USP32: variants seen among roughly 807,000 people sequenced by gnomAD.
USP32 encodes ubiquitin carboxyl-terminal hydrolase 32.
In USP32, 59 loss-of-function variants were observed where a neutral mutation model predicts 204.8. The ratio of observed to expected loss-of-function variants is 0.29; its 90% CI spans 0.23 to 0.36. The LOEUF is 0.36. Ranked by LOEUF, USP32 falls within the 10% of genes least tolerant of loss-of-function variation. USP32 has a pLI of 1.00. For synonymous variants in USP32, 517 were observed against 678.4 expected, an observed-to-expected ratio of 0.76 and a Z score of 3.70; for missense variants, 1,160 against 1,946.4, an observed-to-expected ratio of 0.60 and a Z score of 7.60.
intron 15 of USP32, among the ~76,000 whole-genome samples, chr17:60,221,725 C>T (rs142493530): frequency 5.3e-5 from 8 of 152,050 alleles, no homozygotes; most frequent in South Asian, 2.1e-4. Flanking sequence ...AGGCTGGTCT[C>T]GAACTCCTGA....
chr17:60,295,293 C>T (rs915433125), intron 3 of USP32, among the ~76,000 whole-genome samples: 1 of 149,610 alleles, frequency 6.7e-6, no homozygotes, highest in African/African-American at 2.4e-5. Flanking sequence ...AAATGAGATA[C>T]ACACAATGAA....
At chr17:60,249,888 G>C in intron 11 of USP32, 1 of 479,494 alleles carries the variant, frequency 2.1e-6, no homozygotes, top group Non-Finnish European at 3.7e-6. Flanking sequence ...GTAAGTTAGA[G>C]ACAAATATTT....
chr17:60,233,768 T>G (rs2085637476), intron 12 of USP32, among the ~76,000 whole-genome samples: 1 of 152,206 alleles, frequency 6.6e-6, no homozygotes, highest in Non-Finnish European at 1.5e-5. Context: ...CATAGTTCCC[T>G]GTCTCTTTAT....
intron 2 of USP32, among the ~76,000 whole-genome samples, chr17:60,332,370 G>A (rs1269636966): frequency 1.3e-5 from 2 of 151,862 alleles, no homozygotes; most frequent in Non-Finnish European, 1.5e-5. Flanking sequence ...ACTCTGGGCC[G>A]GACGCGGTGG....
chr17:60,404,330 C>CT (rs1350075012), intron 1 of USP32, among the ~76,000 whole-genome samples: 1 of 152,026 alleles, frequency 6.6e-6, no homozygotes, highest in East Asian at 1.9e-4. Flanking sequence ...GTGTTTGCAA[C>CT]TTTTCTGTAA....
intron 14 of USP32, among the ~76,000 whole-genome samples, chr17:60,222,992 A>C (rs2085294909): frequency 6.6e-6 from 1 of 152,156 alleles, no homozygotes; most frequent in South Asian, 2.1e-4. Flanking sequence ...AAAAAACTGA[A>C]TTTTTAATGA....
chr17:60,222,666 G>T, intron 14 of USP32, 117 bp from the exon 15 acceptor site: 4 of 928,916 alleles, frequency 4.3e-6, no homozygotes, highest in South Asian at 2.1e-5. Context: ...TCATGTTGCT[G>T]GAAAAACTTA....
chr17:60,388,491 C>A (rs186243685), intron 1 of USP32, among the ~76,000 whole-genome samples: 86 of 152,196 alleles, frequency 5.7e-4, no homozygotes, highest in Admixed American at 1.8e-3. Flanking sequence ...GTGTTCCAAG[C>A]ATTTAAAACA....
Position 60,305,183 on chromosome 17 carries a change from G to C in USP32, c.187-3479C>G, listed in dbSNP as rs1343852425. 3.3e-5 allele frequency: 5 copies of C among 151,500 alleles called. No homozygotes were observed. In the East Asian group the frequency reaches 9.7e-4, roughly 29 times the overall value. The allele number at this position is 151,500 out of a possible 1,614,324, so 9.4% of individuals were successfully genotyped here. ...TTTTATAAAGAAAAGAGGTTTTTTTGGCTCACGGTTCTGCAGCCTGTATAA... is the reference window on the plus strand; with the variant it reads ...TTTTATAAAGAAAAGAGGTTTTTTTCGCTCACGGTTCTGCAGCCTGTATAA... On this transcript the variant is annotated intron_variant, in intron 2 of 33. Transcript: ENST00000300896.
chr17:60,345,238 A>C (rs1312691360), intron 2 of USP32, among the ~76,000 whole-genome samples: 1 of 152,242 alleles, frequency 6.6e-6, no homozygotes, highest in Admixed American at 6.5e-5. Context: ...TCCTATGATC[A>C]TAATCAGTGG....
Position 60,181,115 on chromosome 17 carries a change from C to T in USP32, c.4548+209G>A, listed in dbSNP as rs345175. Among the ~76,000 whole-genome samples the T allele has an allele frequency of 0.13, 19,413 of 152,048 alleles. 2,567 individuals carry two copies. The highest frequency in any genetic ancestry group is 0.33 in the African/African-American group (13,736 of 41,428). ...AAACTCCTGGGCTCAAGTGATCCTC[C>T]TGCCTCAGCCTTCTAAAGTGCTGGG... On this transcript the variant is annotated intron_variant, in intron 32 of 33. Transcript: ENST00000300896.
intron 1 of USP32, among the ~76,000 whole-genome samples, chr17:60,406,843 A>G (rs1173048825): frequency 6.6e-6 from 1 of 151,030 alleles, no homozygotes; most frequent in African/African-American, 2.5e-5. Context: ...CTTTTTTCAA[A>G]CTCCATTTTG....
Position 60,313,482 on chromosome 17 carries a change from A to C in USP32, c.187-11778T>G, listed in dbSNP as rs544117961. 3.3e-5 allele frequency among the ~76,000 whole-genome samples: 5 copies of C among 152,242 alleles called. No homozygotes were observed. The South Asian group carries it at 1.0e-3, about 32-fold the overall frequency. The stretch of plus-strand genomic sequence containing the variant: ...GGTAGAGTCATGCTTAGCTCCAAAA[A>C]AAATAAAGGGCCCCTTGAAATTCTG... On this transcript the variant is annotated intron_variant, in intron 2 of 33. Coordinates refer to ENST00000300896, the MANE Select transcript of USP32 (RefSeq NM_032582.4).
intron 17 of USP32, 27 bp from the exon 18 acceptor site, chr17:60,213,689 G>A (rs2085029137): frequency 6.1e-6 from 7 of 1,155,572 alleles, no homozygotes; most frequent in Non-Finnish European, 8.5e-6. Context: ...AAATGTTTTT[G>A]TTATTTGGTT....
At chr17:60,388,289 TACAC>T (rs35068599) in intron 1 of USP32, among the ~76,000 whole-genome samples, 6,842 of 141,950 alleles carry the variant, frequency 0.048, 256 homozygotes, top group East Asian at 0.087. Flanking sequence ...AGCCGATTCT[TACAC>T]ACACACACAC....
At chr17:60,336,166 A>C (rs2088511515) in intron 2 of USP32, among the ~76,000 whole-genome samples, 1 of 143,160 alleles carries the variant, frequency 7.0e-6, no homozygotes, top group Non-Finnish European at 1.5e-5. Context: ...TTCTTGATGT[A>C]AAGTTTTCTA....
At chr17:60,411,192 G>T (rs1371075073) in intron 1 of USP32, among the ~76,000 whole-genome samples, 1 of 152,012 alleles carries the variant, frequency 6.6e-6, no homozygotes, top group South Asian at 2.1e-4. Flanking sequence ...GCAGAGCATG[G>T]TGCATGCCTG....
At position 60,177,609 on chromosome 17, in the gene USP32, A is replaced by T. The variant is rs2083998180; in HGVS notation, c.*1646T>A. On this transcript the variant is annotated 3_prime_UTR_variant, in exon 34 of 34. Coordinates refer to ENST00000300896, the MANE Select transcript of USP32 (RefSeq NM_032582.4). ...TCCACTTTTTAATGGGAATGGACAG[A>T]TTTTATATACTGAAAATCTTGAAAC... Among the ~76,000 whole-genome samples the T allele has an allele frequency of 6.6e-6, 1 of 152,238 alleles. No individual in the cohort carries two copies. The highest frequency in any genetic ancestry group is 1.5e-5 in the Non-Finnish European group (1 of 68,030).
intron 1 of USP32, among the ~76,000 whole-genome samples, chr17:60,355,217 T>C (rs1184586979): frequency 2.0e-5 from 3 of 152,142 alleles, no homozygotes; most frequent in Non-Finnish European, 4.4e-5. Context: ...ATTCCCCAAG[T>C]TCTAGAACAG....
Sources: allele counts gnomAD v4.1 joint callset (sites outside exome capture counted in the v4.1 genomes callset), GRCh38; gene constraint gnomAD v4.1.1; transcripts MANE v1.5; gene names NCBI Gene and HGNC (gene_info 2026-07-23, HGNC 2026-07-21).